UBE2V2: variants seen among roughly 807,000 people sequenced by gnomAD.
The protein encoded by UBE2V2 is ubiquitin conjugating enzyme E2 V2.
Under a neutral mutation model 17.2 loss-of-function variants are expected in UBE2V2, and 9 were observed. The observed-to-expected ratio is 0.52, with a 90% CI of 0.32 to 0.91. The LOEUF (loss-of-function observed/expected upper bound fraction) is 0.91. Among genes scored for constraint, UBE2V2 ranks in the 40% least tolerant of loss-of-function variants. The pLI, the probability that UBE2V2 is intolerant of heterozygous loss-of-function variation, is 0.04. For missense variants in UBE2V2, 133 were observed against 182.6 expected, an observed-to-expected ratio of 0.73 and a Z score of 1.56; for synonymous variants, 61 against 57.5, an observed-to-expected ratio of 1.06 and a Z score of -0.28.
the UBE2V2 span, among the ~76,000 whole-genome samples, chr8:48,001,507 A>T: frequency 6.6e-6 from 1 of 152,118 alleles, no homozygotes; most frequent in East Asian, 1.9e-4. Context: ...GGCTGAAGTG[A>T]AGGATCACTT....
chr8:48,013,457 G>A (rs542214545), intron 1 of UBE2V2, among the ~76,000 whole-genome samples: 1 of 151,982 alleles, frequency 6.6e-6, no homozygotes, highest in Non-Finnish European at 1.5e-5. Flanking sequence ...ATAGGCGCCT[G>A]CCACCATGCC....
In UBE2V2 at chr8:48,049,524, T is replaced by C. The variant is rs45558936; in HGVS notation, c.166-329T>C. ...AAAATCTAAATTTAAGTGGTTTGCT[T>C]TTTCGTTTTTCCTTCTTCGTTCTAA... On this transcript the variant is annotated intron_variant, in intron 2 of 3. Transcript: ENST00000523111. 458 of 189,914 alleles carry C rather than the reference T, an allele frequency of 2.4e-3. 3 individuals are homozygous for C. The highest frequency in any genetic ancestry group is 9.5e-3 in the African/African-American group (399 of 42,100). The allele number at this position is 189,914 out of a possible 1,614,324, so 11.8% of individuals were successfully genotyped here.
the UBE2V2 span, among the ~76,000 whole-genome samples, chr8:47,997,918 C>T: frequency 4.0e-5 from 6 of 151,872 alleles, no homozygotes; most frequent in African/African-American, 1.2e-4. Flanking sequence ...GAGGCGAAGT[C>T]ATCGGCTGGG....
chr8:47,998,672 G>A, the UBE2V2 span, among the ~76,000 whole-genome samples: 1 of 151,740 alleles, frequency 6.6e-6, no homozygotes. Flanking sequence ...ATAGGGGAGG[G>A]AGGGGGAGAG....
chr8:48,008,476 T>C lies in UBE2V2; in HGVS notation c.16+6T>C. 6.4e-7 allele frequency: 1 copy of C among 1,566,548 alleles called. No homozygotes were observed. The highest frequency in any genetic ancestry group is 8.6e-7 in the Non-Finnish European group (1 of 1,158,230). On this transcript the variant is annotated splice_donor_region_variant and intron_variant, in intron 1 of 3. Coordinates refer to ENST00000523111, the MANE Select transcript of UBE2V2 (RefSeq NM_003350.3). Reference sequence around the variant, plus strand: ...GAAGATGGCGGTCTCCACAGGTCGGTTCCCGGGCCGGGCTGCGTGATTTTC... The same window carrying C: ...GAAGATGGCGGTCTCCACAGGTCGGCTCCCGGGCCGGGCTGCGTGATTTTC...
chr8:48,030,347 G>A (rs1032347456), intron 1 of UBE2V2, among the ~76,000 whole-genome samples: 1 of 152,178 alleles, frequency 6.6e-6, no homozygotes, highest in Non-Finnish European at 1.5e-5. Flanking sequence ...TCAAGTGCCT[G>A]TTGTGTCATC....
At position 48,022,981 on chromosome 8, in the gene UBE2V2, TTCTGTTGAGAAG is replaced by T. The variant is rs1357123161; in HGVS notation, c.16+14516_16+14527del. 2.0e-5 allele frequency among the ~76,000 whole-genome samples: 3 copies of T among 151,886 alleles called. No homozygotes were observed. In the East Asian group the frequency reaches 5.8e-4, roughly 29 times the overall value. ...CTCACTCTCCCCTGGCCTCTAAGTT[TTCTGTTGAGAAG>T]TCTGCTGCTAGGTATATTGGAAGTC... On this transcript the variant is annotated intron_variant, in intron 1 of 3. Transcript: ENST00000523111.
chr8:48,050,227 C>CT (rs1046009408), intron 3 of UBE2V2: 94 of 221,628 alleles, frequency 4.2e-4, no homozygotes, highest in East Asian at 7.2e-4. Context: ...GTGGTTAAAA[C>CT]TTTTTTTTTC....
At chr8:48,014,839 A>G (rs1384611313) in intron 1 of UBE2V2, among the ~76,000 whole-genome samples, 1 of 147,446 alleles carries the variant, frequency 6.8e-6, no homozygotes, top group Admixed American at 6.8e-5. Context: ...TCACGAAGTC[A>G]AGAGATCAAG....
At chr8:48,059,280 C>G (rs1802546316) in intron 3 of UBE2V2, among the ~76,000 whole-genome samples, 1 of 151,952 alleles carries the variant, frequency 6.6e-6, no homozygotes, top group African/African-American at 2.4e-5. Flanking sequence ...TAGATGACAG[C>G]TTATGGCCTT....
the UBE2V2 span, among the ~76,000 whole-genome samples, chr8:48,002,539 G>C: frequency 6.6e-6 from 1 of 152,086 alleles, no homozygotes; most frequent in Non-Finnish European, 1.5e-5. Context: ...TGTAATCCCA[G>C]CACTTTGGGA....
chr8:48,061,758 A>G lies in UBE2V2; in HGVS notation c.*930A>G, dbSNP rs1802598153. 1 of 152,206 alleles carries G rather than the reference A, an allele frequency of 6.6e-6. No individual in the cohort carries two copies. Among genetic ancestry groups the G allele is most frequent in the Non-Finnish European group, 1.5e-5 (1 of 68,038 alleles). 9.4% of individuals were successfully genotyped at this position (152,206 alleles called of 1,614,324 possible). A position where few individuals can be genotyped will look rare whatever the true frequency, so the allele number is the denominator to read the frequency against. Reference sequence around the variant, plus strand: ...TCTAGTTTAATTTCTTCTTTGGACAAGGAGTCCTAGGTATTATATTTTGAG... The same window carrying G: ...TCTAGTTTAATTTCTTCTTTGGACAGGGAGTCCTAGGTATTATATTTTGAG... On this transcript the variant is annotated 3_prime_UTR_variant, in exon 4 of 4. Coordinates refer to ENST00000523111, the MANE Select transcript of UBE2V2 (RefSeq NM_003350.3).
At chr8:48,028,374 C>T (rs1257913196) in intron 1 of UBE2V2, among the ~76,000 whole-genome samples, 9 of 139,812 alleles carry the variant, frequency 6.4e-5, no homozygotes, top group South Asian at 2.4e-4. Flanking sequence ...GTTTCGTTCT[C>T]GTTGCCCAGG....
intron 2 of UBE2V2, among the ~76,000 whole-genome samples, chr8:48,045,998 G>C (rs1457477445): frequency 1.3e-5 from 2 of 152,182 alleles, no homozygotes; most frequent in Non-Finnish European, 2.9e-5. Flanking sequence ...CCAGGCTAAA[G>C]TGCAATGGTG....
At chr8:48,031,102 C>T (rs1050233503) in intron 1 of UBE2V2, among the ~76,000 whole-genome samples, 3 of 151,728 alleles carry the variant, frequency 2.0e-5, no homozygotes, top group African/African-American at 7.2e-5. Context: ...CCAGCTACTT[C>T]GGAGGCTGAG....
chr8:48,007,568 CT>C (rs528067517), upstream of UBE2V2, among the ~76,000 whole-genome samples: 450 of 121,178 alleles, frequency 3.7e-3, no homozygotes, highest in East Asian at 9.7e-3. Context: ...TGTGAAAAAT[CT>C]TTTTTTTTTT....
intron 3 of UBE2V2, among the ~76,000 whole-genome samples, chr8:48,060,107 T>C (rs1283307813): frequency 6.8e-6 from 1 of 147,720 alleles, no homozygotes; most frequent in African/African-American, 2.5e-5. Context: ...TTGGGAGGCC[T>C]CATGAGGCAG....
chr8:48,052,636 A>G (rs772902892), intron 3 of UBE2V2, among the ~76,000 whole-genome samples: 2 of 152,188 alleles, frequency 1.3e-5, no homozygotes, highest in Admixed American at 6.5e-5. Flanking sequence ...CTCTGATTCT[A>G]CTTTTTAAAA....
chr8:48,054,224 G>C (rs1344008313), intron 3 of UBE2V2, among the ~76,000 whole-genome samples: 4 of 152,146 alleles, frequency 2.6e-5, no homozygotes, highest in Admixed American at 6.6e-5. Flanking sequence ...TCAGTTCGTG[G>C]CCTGCCCCTT....
Sources: gnomAD v4.1 joint callset for allele counts (sites outside exome capture counted in the v4.1 genomes callset) on GRCh38, gnomAD v4.1.1 for gene constraint, MANE v1.5 for transcripts, NCBI Gene and HGNC (gene_info 2026-07-23, HGNC 2026-07-21) for gene names.